Variants in DCUN1D2 observed in about 807,000 individuals in gnomAD.
DCUN1D2 encodes the protein defective in cullin neddylation 1 domain containing 2, also known as DCN1-like protein 2.
Under a neutral mutation model 30.9 loss-of-function variants are expected in DCUN1D2, and 29 were observed. The ratio of observed to expected loss-of-function variants is 0.94; its 90% confidence interval spans 0.70 to 1.28. DCUN1D2 has a LOEUF of 1.28. Among genes scored for constraint, DCUN1D2 ranks in the 50% most tolerant of loss-of-function variants. DCUN1D2 has a pLI of 0.00. For synonymous variants in DCUN1D2, 121 were observed against 115.3 expected (o/e 1.05, Z -0.32); for missense variants, 325 against 316.9 (o/e 1.03, Z -0.19).
chr13:113,470,243 C>T (rs1390322892), intron 4 of DCUN1D2, among the ~76,000 whole-genome samples: 2 of 152,144 alleles, frequency 1.3e-5, no homozygotes, highest in Non-Finnish European at 2.9e-5. Context: ...TTTGTATCCC[C>T]GGAGCCATGG....
chr13:113,463,200 T>G (rs1376516527), intron 4 of DCUN1D2: 1 of 155,760 alleles, frequency 6.4e-6, no homozygotes, highest in African/African-American at 2.4e-5. Flanking sequence ...TTATAGCAGC[T>G]ATTTTCTTTC....
chr13:113,459,255 T>A, intron 6 of DCUN1D2, 57 bp downstream of exon 6: 1 of 942,448 alleles, frequency 1.1e-6, no homozygotes, highest in Non-Finnish European at 1.8e-6. Flanking sequence ...GCAGGAGAAG[T>A]TAACGTTCTC....
chr13:113,465,207 T>G (rs1385708857), intron 4 of DCUN1D2, among the ~76,000 whole-genome samples: 1 of 152,202 alleles, frequency 6.6e-6, no homozygotes, highest in Non-Finnish European at 1.5e-5. Flanking sequence ...GAAAAAAAGT[T>G]TTATCATTCA....
chr13:113,486,326 C>G (rs919888730), intron 1 of DCUN1D2, among the ~76,000 whole-genome samples: 6 of 152,076 alleles, frequency 3.9e-5, no homozygotes, highest in Non-Finnish European at 7.4e-5. Context: ...AAAAAAGGAC[C>G]AACAGACACC....
At chr13:113,490,985 C>T (rs1455498136), upstream of DCUN1D2, 5 of 183,088 alleles carry the variant, frequency 2.7e-5, no homozygotes, top group Non-Finnish European at 1.1e-5. This position sits in a 1 kb window ranked among gnomAD's most constrained non-coding sequence, Gnocchi z 5.2. Flanking sequence ...CCGCCCACGC[C>T]CCGCCTCTTA....
chr13:113,473,132 CCT>C (rs1353299296), intron 4 of DCUN1D2, among the ~76,000 whole-genome samples: 1 of 149,080 alleles, frequency 6.7e-6, no homozygotes, highest in Non-Finnish European at 1.5e-5. Flanking sequence ...TCTCTCTATC[CCT>C]CTGTCTCCTG....
intron 1 of DCUN1D2, among the ~76,000 whole-genome samples, chr13:113,487,728 TAC>T (rs2044833207): frequency 6.6e-6 from 1 of 152,224 alleles, no homozygotes; most frequent in African/African-American, 2.4e-5. Flanking sequence ...TGCTAATGGG[TAC>T]AGTTATCGTT....
At chr13:113,460,229 C>G (rs750254554) in intron 5 of DCUN1D2, among the ~76,000 whole-genome samples, 2 of 152,246 alleles carry the variant, frequency 1.3e-5, no homozygotes, top group Admixed American at 6.5e-5. Context: ...ACCTGCCACA[C>G]TCTCTGGGTA....
intron 2 of DCUN1D2, among the ~76,000 whole-genome samples, chr13:113,481,256 T>A (rs2044703156): frequency 6.6e-6 from 1 of 152,198 alleles, no homozygotes; most frequent in Non-Finnish European, 1.5e-5. Context: ...AGCTTATGTA[T>A]CCACATTTAA....
rs542003604 is a variant in DCUN1D2, at chr13:113,485,168, C to G, written c.4-1112G>C. On this transcript the variant is annotated intron_variant, in intron 1 of 6. Transcript: ENST00000478244. ...AGTGATACACTAACTTCTCTAAATCCAAACAGACCCTAGAATCCACTGGAT... is the reference window on the plus strand; with the variant it reads ...AGTGATACACTAACTTCTCTAAATCGAAACAGACCCTAGAATCCACTGGAT... Among the ~76,000 whole-genome samples, 5 of 152,210 alleles carry G rather than the reference C, an allele frequency of 3.3e-5. No homozygotes were observed. In the South Asian group the frequency reaches 1.0e-3, roughly 32 times the overall value.
chr13:113,471,664 G>A (rs1235450664), intron 4 of DCUN1D2, among the ~76,000 whole-genome samples: 4 of 152,180 alleles, frequency 2.6e-5, no homozygotes, highest in Admixed American at 2.0e-4. Context: ...AGGCAAAACA[G>A]TAAGCAACTT....
chr13:113,460,144 A>G (rs2044295022), intron 5 of DCUN1D2, among the ~76,000 whole-genome samples: 1 of 152,244 alleles, frequency 6.6e-6, no homozygotes, highest in Admixed American at 6.5e-5. Context: ...TGAAACACAT[A>G]GCTGCAAAGA....
chr13:113,489,153 T>C, intron 1 of DCUN1D2: 3 of 985,382 alleles, frequency 3.0e-6, no homozygotes, highest in Non-Finnish European at 3.6e-6. Context: ...TCACTTTCAC[T>C]CTGTTTCGGT....
rs1182883131 is a variant in DCUN1D2, at chr13:113,488,970, A to G, written c.3+1697T>C. The G allele has an allele frequency of 4.0e-6, 1 of 251,364 alleles. No homozygotes were observed. The highest frequency in any genetic ancestry group is 6.3e-6 in the Non-Finnish European group (1 of 158,672). 15.6% of individuals were successfully genotyped at this position (251,364 alleles called of 1,614,324 possible). On this transcript the variant is annotated intron_variant, in intron 1 of 6. Transcript: ENST00000478244. The surrounding 1 kb of genome is among the most constrained non-coding windows in gnomAD (Gnocchi z 4.3). ...GCAAATAAAATCTCTAAACTATAAA[A>G]AAGTCTCAAACACTTTAATTGTGAC...
At chr13:113,482,825 C>T (rs1356358037) in intron 2 of DCUN1D2, among the ~76,000 whole-genome samples, 1 of 152,090 alleles carries the variant, frequency 6.6e-6, no homozygotes, top group Non-Finnish European at 1.5e-5. Flanking sequence ...CACCTGTAGT[C>T]CCAGCTACTT....
intron 4 of DCUN1D2, 105 bp downstream of exon 4, chr13:113,474,019 A>G (rs1257919944): frequency 5.5e-6 from 8 of 1,466,656 alleles, no homozygotes; most frequent in Non-Finnish European, 7.4e-6. Flanking sequence ...AAACCAAACC[A>G]AAACCCAAAA....
intron 4 of DCUN1D2, among the ~76,000 whole-genome samples, chr13:113,464,231 C>A (rs1231953783): frequency 6.6e-6 from 1 of 152,206 alleles, no homozygotes; most frequent in Non-Finnish European, 1.5e-5. Context: ...GTGAATGATT[C>A]TGACAAACAT....
chr13:113,475,625 T>C (rs989555495), intron 3 of DCUN1D2, among the ~76,000 whole-genome samples: 3 of 152,140 alleles, frequency 2.0e-5, no homozygotes, highest in African/African-American at 7.2e-5. Context: ...GGTGGCTCAT[T>C]CCTGTAATCC....
intron 4 of DCUN1D2, among the ~76,000 whole-genome samples, chr13:113,471,086 C>T (rs1256677390): frequency 6.1e-5 from 9 of 148,646 alleles, no homozygotes; most frequent in Non-Finnish European, 8.9e-5. Flanking sequence ...CCCAGCTCCA[C>T]GCAAGACCCA....
Sources: allele counts gnomAD v4.1 joint callset (sites outside exome capture counted in the v4.1 genomes callset), GRCh38; gene constraint gnomAD v4.1.1; non-coding constraint Gnocchi (gnomAD v3.1); transcripts MANE v1.5; gene names NCBI Gene and HGNC (gene_info 2026-07-23, HGNC 2026-07-21).